Variants in TMEM132C observed in about 807,000 individuals in gnomAD.
TMEM132C encodes transmembrane protein 132C.
TMEM132C carries 29 observed loss-of-function variants against 61.4 expected under a neutral mutation model. The observed-to-expected ratio is 0.47, with a 90% CI of 0.35 to 0.64. The LOEUF (loss-of-function observed/expected upper bound fraction) is 0.64. TMEM132C is among the 30% of genes least tolerant of loss of function. The probability of loss-of-function intolerance (pLI) is 0.00; values close to 1 mark genes in which losing one functional copy is unlikely to be tolerated. For missense variants in TMEM132C, 1,408 were observed against 1,476.9 expected (o/e 0.95, Z 0.76); for synonymous variants, 656 against 633.1 (o/e 1.04, Z -0.54).
intron 3 of TMEM132C, among the ~76,000 whole-genome samples, 188 bp downstream of exon 3, chr12:128,544,291 G>A (rs1270671095): frequency 1.3e-5 from 2 of 152,348 alleles, no homozygotes; most frequent in South Asian, 2.1e-4. Context: ...GGCGGGGTGG[G>A]GCGCTCGCTC....
intron 2 of TMEM132C, among the ~76,000 whole-genome samples, chr12:128,540,278 A>G (rs565783606): frequency 1.1e-4 from 17 of 152,286 alleles, no homozygotes; most frequent in African/African-American, 4.1e-4. Flanking sequence ...GTTTTGAGAC[A>G]GAGTTTCGCT....
chr12:128,385,688 C>A (rs1392387992), intron 1 of TMEM132C, among the ~76,000 whole-genome samples: 3 of 152,176 alleles, frequency 2.0e-5, no homozygotes, highest in Non-Finnish European at 4.4e-5. Flanking sequence ...AAATGAGAAA[C>A]CATCTCTGAA....
At chr12:128,487,579 G>T (rs1370279604) in intron 2 of TMEM132C, among the ~76,000 whole-genome samples, 1 of 134,396 alleles carries the variant, frequency 7.4e-6, no homozygotes, top group Non-Finnish European at 1.6e-5. Context: ...AGTTTCAATG[G>T]TGTGTATGAG....
chr12:128,333,130 T>G (rs1254623551), intron 1 of TMEM132C, among the ~76,000 whole-genome samples: 1 of 151,928 alleles, frequency 6.6e-6, no homozygotes. Flanking sequence ...AGTGCTGTTT[T>G]TATGTGTATG....
chr12:128,345,806 T>C (rs952585395), intron 1 of TMEM132C, among the ~76,000 whole-genome samples: 2 of 151,980 alleles, frequency 1.3e-5, no homozygotes, highest in South Asian at 4.2e-4. Context: ...AGATGCATAG[T>C]TTGCAAATAT....
intron 4 of TMEM132C, among the ~76,000 whole-genome samples, chr12:128,667,102 T>A (rs536560966): frequency 6.6e-6 from 1 of 152,056 alleles, no homozygotes; most frequent in Non-Finnish European, 1.5e-5. Flanking sequence ...TAGATAGAGA[T>A]AGAGATAGAG....
At chr12:128,393,562 T>C (rs1387515964) in intron 1 of TMEM132C, among the ~76,000 whole-genome samples, 2 of 152,182 alleles carry the variant, frequency 1.3e-5, no homozygotes, top group African/African-American at 4.8e-5. Context: ...AACATAAATA[T>C]ATGTGCGTCC....
At chr12:128,664,071 C>A (rs1211317659) in intron 4 of TMEM132C, among the ~76,000 whole-genome samples, 2 of 131,902 alleles carry the variant, frequency 1.5e-5, no homozygotes, top group South Asian at 2.2e-4. Flanking sequence ...GGCACACACA[C>A]ATACAGGCAC....
At chr12:128,519,569 C>T (rs1473320080) in intron 2 of TMEM132C, among the ~76,000 whole-genome samples, 1 of 152,214 alleles carries the variant, frequency 6.6e-6, no homozygotes, top group Non-Finnish European at 1.5e-5. Context: ...GAAATTATTT[C>T]CAGAATCTTA....
intron 3 of TMEM132C, among the ~76,000 whole-genome samples, chr12:128,608,916 TC>T (rs1384456922): frequency 2.0e-5 from 3 of 152,358 alleles, no homozygotes; most frequent in Non-Finnish European, 2.9e-5. Context: ...CAATACTCTT[TC>T]TTTTTTCATC....
intron 2 of TMEM132C, among the ~76,000 whole-genome samples, chr12:128,487,605 A>G (rs200785595): frequency 1.1e-3 from 35 of 31,020 alleles, no homozygotes; most frequent in African/African-American, 6.8e-3. Flanking sequence ...GTGTGTGGGT[A>G]TATATATATA....
intron 1 of TMEM132C, among the ~76,000 whole-genome samples, chr12:128,340,843 T>TTG (rs1389242284): frequency 7.7e-6 from 1 of 130,196 alleles, no homozygotes; most frequent in African/African-American, 3.9e-5. Flanking sequence ...CTCTCTCTCT[T>TTG]TCTCTCTTTC....
chr12:128,558,618 A>G (rs556458408), intron 3 of TMEM132C, among the ~76,000 whole-genome samples: 2 of 152,370 alleles, frequency 1.3e-5, no homozygotes, highest in East Asian at 3.9e-4. Context: ...ATACAGTGGC[A>G]CATGCCAACC....
intron 1 of TMEM132C, among the ~76,000 whole-genome samples, chr12:128,318,429 AAC>A (rs1327470220): frequency 1.3e-5 from 2 of 152,186 alleles, no homozygotes; most frequent in Non-Finnish European, 2.9e-5. Context: ...GATAAGTAGA[AAC>A]ACACACTCCC....
intron 2 of TMEM132C, among the ~76,000 whole-genome samples, chr12:128,434,350 G>T (rs955891200): frequency 1.3e-5 from 2 of 152,160 alleles, no homozygotes; most frequent in Non-Finnish European, 2.9e-5. Context: ...GCCCAGGCTG[G>T]AGTGCATTGG....
chr12:128,549,410 C>G (rs565772694), intron 3 of TMEM132C, among the ~76,000 whole-genome samples: 2 of 152,034 alleles, frequency 1.3e-5, no homozygotes, highest in Admixed American at 6.6e-5. Flanking sequence ...ACCATCACCC[C>G]CCGGCGCGTC....
chr12:128,589,803 A>G (rs1334263638), intron 3 of TMEM132C, among the ~76,000 whole-genome samples: 1 of 152,008 alleles, frequency 6.6e-6, no homozygotes, highest in East Asian at 1.9e-4. Context: ...TGGGCAAGGT[A>G]CTTATGCTTT....
At chr12:128,274,932 T>C (rs1268756179) in intron 1 of TMEM132C, among the ~76,000 whole-genome samples, 1 of 152,182 alleles carries the variant, frequency 6.6e-6, no homozygotes, top group Non-Finnish European at 1.5e-5. Context: ...CCCATCTCTA[T>C]CTAGAAAGGT....
intron 1 of TMEM132C, among the ~76,000 whole-genome samples, chr12:128,357,555 T>C (rs995066643): frequency 1.1e-4 from 16 of 151,306 alleles, no homozygotes; most frequent in Middle Eastern, 3.2e-3. Flanking sequence ...ATTAGCCAGG[T>C]GTGGTGGCAT....
Sources: allele counts gnomAD v4.1 joint callset (sites outside exome capture counted in the v4.1 genomes callset), GRCh38; gene constraint gnomAD v4.1.1; transcripts MANE v1.5; gene names NCBI Gene and HGNC (gene_info 2026-07-23, HGNC 2026-07-21).